Variants in EIF4E2 observed in about 807,000 individuals in gnomAD.
EIF4E2 encodes eukaryotic translation initiation factor 4E family member 2, also known as eukaryotic translation initiation factor 4E type 2.
Under a neutral mutation model 34.2 loss-of-function variants are expected in EIF4E2, and 13 were observed. The observed-to-expected ratio is 0.38, with a 90% CI of 0.25 to 0.60. The LOEUF is 0.60. Ranked by LOEUF, EIF4E2 falls within the 20% of genes least tolerant of loss-of-function variation. The pLI, the probability that EIF4E2 is intolerant of heterozygous loss-of-function variation, is 0.62. For missense variants in EIF4E2, 222 were observed against 315.1 expected (o/e 0.70, Z 2.24); for synonymous variants, 100 against 106.6 (o/e 0.94, Z 0.38).
downstream of EIF4E2, among the ~76,000 whole-genome samples, chr2:232,570,685 C>T (rs975843335): frequency 2.6e-5 from 4 of 152,208 alleles, no homozygotes; most frequent in Non-Finnish European, 5.9e-5. Flanking sequence ...TGGCTCACGC[C>T]TGTAATCCTA....
At chr2:232,582,161 C>T (rs536591091) in exon 7 of EIF4E2, 6 of 152,734 alleles carry the variant, frequency 3.9e-5, no homozygotes, top group African/African-American at 9.6e-5. Context: ...AAATAAATAG[C>T]GTCAGAGTCC....
Position 232,566,927 on chromosome 2 carries a change from A to G in EIF4E2, c.474A>G (p.Glu158=). The G allele has an allele frequency of 1.9e-6, 3 of 1,611,820 alleles. No individual in the cohort carries two copies. The highest frequency in any genetic ancestry group is 2.2e-5 in the South Asian group (2 of 90,630). ...ATCTCATTTTGGCCATGCTGGGGGA[A>G]CAGTTCATGGTTGGGGAGGAGATCT... The part of the protein sequence containing the change: ...WENLILAMLG[E]QFMVGEEICG... Residue 158 remains glutamate (E), a synonymous_variant, in exon 5 of 7, where the codon GAA becomes GAG. Coordinates refer to ENST00000258416, the MANE Select transcript of EIF4E2 (RefSeq NM_004846.4). The surrounding 1 kb of genome is among the most constrained non-coding windows in gnomAD (Gnocchi z 4.9).
rs200336459 is a variant in EIF4E2 at position 232,564,197 on chromosome 2, A to G, written c.271-50A>G. 19 of 1,327,744 alleles carry G rather than the reference A, an allele frequency of 1.4e-5. No individual in the cohort carries two copies. In the East Asian group the frequency reaches 3.8e-4, roughly 26 times the overall value. The allele number at this position is 1,327,744 out of a possible 1,614,324, so 82.2% of individuals were successfully genotyped here. A position where few individuals can be genotyped will look rare whatever the true frequency, so the allele number is the denominator to read the frequency against. Reference sequence around the variant, plus strand: ...AAATCTCAACCTTGGGATGCATTCAAAGAAAAGTAAAAGACACATGTTTTT... The same window carrying G: ...AAATCTCAACCTTGGGATGCATTCAGAGAAAAGTAAAAGACACATGTTTTT... On this transcript the variant is annotated intron_variant, in intron 3 of 6. Coordinates refer to ENST00000258416, the MANE Select transcript of EIF4E2 (RefSeq NM_004846.4).
At chr2:232,579,123 TAC>T (rs71056276) in intron 6 of EIF4E2, among the ~76,000 whole-genome samples, 3,910 of 146,562 alleles carry the variant, frequency 0.027, 74 homozygotes, top group Admixed American at 0.06. Context: ...AACTCAGAAA[TAC>T]ACACACACAC....
At position 232,579,758 on chromosome 2, in the gene EIF4E2, C is replaced by A. The variant is rs1399667714; in HGVS notation, c.666-1146C>A. On this transcript the variant is annotated intron_variant, in intron 6 of 6. Coordinates refer to the EIF4E2 transcript ENST00000409098. The stretch of plus-strand genomic sequence containing the variant: ...GGAGGGTCACTTGAGCTCAAGAGTT[C>A]AAGACCAACCTGGGCAACATAGTGA... Among the ~76,000 whole-genome samples, 3 of 152,224 alleles carry A rather than the reference C, an allele frequency of 2.0e-5. No homozygotes were observed. In the East Asian group the frequency reaches 5.8e-4, roughly 29 times the overall value.
intron 6 of EIF4E2, chr2:232,567,707 TAG>T (rs1236230422): frequency 3.0e-6 from 3 of 996,020 alleles, no homozygotes; most frequent in Non-Finnish European, 2.4e-6. Flanking sequence ...AGAAGGGGGA[TAG>T]TGTGTGTGTG....
chr2:232,556,686 G>T, intron 2 of EIF4E2, 156 bp downstream of exon 2: 1 of 613,882 alleles, frequency 1.6e-6, no homozygotes, highest in Admixed American at 2.9e-5. Flanking sequence ...AATCATTGAT[G>T]TTCATTTTCA....
chr2:232,554,545 C>G (rs575732842), intron 1 of EIF4E2, among the ~76,000 whole-genome samples: 1 of 152,186 alleles, frequency 6.6e-6, no homozygotes, highest in South Asian at 2.1e-4. Context: ...ATCTGTAGAT[C>G]TTGTGTGCTA....
At chr2:232,551,340 C>G (rs1038590827) in intron 1 of EIF4E2, 1 of 468,034 alleles carries the variant, frequency 2.1e-6, no homozygotes, top group African/African-American at 2.0e-5. Context: ...TCGCCAAGAC[C>G]TAAGTATACT....
At position 232,581,075 on chromosome 2, in the gene EIF4E2, A is replaced by G. The variant is rs1294310323; in HGVS notation, c.*132A>G. 5 of 907,660 alleles carry G rather than the reference A, an allele frequency of 5.5e-6. 2 individuals are homozygous for G. The Admixed American group carries it at 8.0e-5, about 14-fold the overall frequency. 56.2% of individuals were successfully genotyped at this position (907,660 alleles called of 1,614,324 possible). A position where few individuals can be genotyped will look rare whatever the true frequency, so the allele number is the denominator to read the frequency against. ...AGCCGTGCGCTCTCCTTTTGCACTC[A>G]TTCCTGGAGGACGGATTCCGCTAGA... On this transcript the variant is annotated 3_prime_UTR_variant, in exon 7 of 7. Transcript: ENST00000409098. The surrounding 1 kb of genome is among the most constrained non-coding windows in gnomAD (Gnocchi z 5.2).
chr2:232,581,169 TG>T lies in EIF4E2; in HGVS notation c.*227del. The T allele has an allele frequency of 1.5e-6, 1 of 668,748 alleles. No homozygotes were observed. The highest frequency in any genetic ancestry group is 1.5e-5 in the South Asian group (1 of 66,146). 41.4% of individuals were successfully genotyped at this position (668,748 alleles called of 1,614,324 possible). A position where few individuals can be genotyped will look rare whatever the true frequency, so the allele number is the denominator to read the frequency against. Reference sequence around the variant, plus strand: ...ACGTGACTTTGTAATAGACAAACATTGTTTTTTAATGGGGTTCCATGGGGGG... The same window carrying T: ...ACGTGACTTTGTAATAGACAAACATTTTTTTTAATGGGGTTCCATGGGGGG... On this transcript the variant is annotated 3_prime_UTR_variant, in exon 7 of 7. Coordinates refer to the EIF4E2 transcript ENST00000409098. This position sits in a 1 kb window ranked among gnomAD's most constrained non-coding sequence, Gnocchi z 5.2.
chr2:232,575,953 C>T (rs1347260417), intron 6 of EIF4E2, among the ~76,000 whole-genome samples: 1 of 152,030 alleles, frequency 6.6e-6, no homozygotes, highest in Non-Finnish European at 1.5e-5. Flanking sequence ...CGCCTGTAAT[C>T]CCAGCACTTT....
intron 3 of EIF4E2, among the ~76,000 whole-genome samples, chr2:232,561,109 C>G (rs1302084923): frequency 2.6e-5 from 4 of 152,102 alleles, no homozygotes; most frequent in African/African-American, 7.2e-5. Flanking sequence ...TTGGGGAATA[C>G]TGCCTTGGAA....
intron 2 of EIF4E2, among the ~76,000 whole-genome samples, chr2:232,557,250 A>G (rs556498336): frequency 5.5e-4 from 84 of 152,336 alleles, no homozygotes; most frequent in Admixed American, 9.8e-4. Context: ...TTTCAAAAAA[A>G]CAAACAAAGA....
At chr2:232,564,131 C>A in intron 3 of EIF4E2, 116 bp from the exon 4 acceptor site, 2 of 535,152 alleles carry the variant, frequency 3.7e-6, no homozygotes, top group Non-Finnish European at 3.2e-6. Context: ...CTGAAAAGGA[C>A]AGCCTGTAGT....
intron 3 of EIF4E2, among the ~76,000 whole-genome samples, chr2:232,560,876 A>G (rs1692700015): frequency 1.3e-5 from 2 of 152,242 alleles, no homozygotes; most frequent in Admixed American, 1.3e-4. Flanking sequence ...TTTTGTAATA[A>G]TAAACTACCT....
intron 3 of EIF4E2, among the ~76,000 whole-genome samples, chr2:232,559,496 ATAC>A (rs768642949): frequency 2.0e-5 from 3 of 152,222 alleles, no homozygotes; most frequent in Non-Finnish European, 4.4e-5. Context: ...CCAGTAGGAA[ATAC>A]TACAACAAAC....
chr2:232,569,711 C>G (rs1357859322), downstream of EIF4E2: 1 of 152,238 alleles, frequency 6.6e-6, no homozygotes, highest in African/African-American at 2.4e-5. Flanking sequence ...CAGCTCTTTT[C>G]CAGCCTTCTC....
Position 232,569,205 on chromosome 2 carries a change from A to T in EIF4E2, c.*188A>T. ...CTGAGATCACTTAATAAATGGTGCT[A>T]AACTAGCTTGTCTCATGCTCTTGCT... is the stretch of plus-strand genomic sequence containing the variant. On this transcript the variant is annotated 3_prime_UTR_variant, in exon 7 of 7. Transcript: ENST00000258416. 1 of 1,426,368 alleles carries T rather than the reference A, an allele frequency of 7.0e-7. No homozygotes were observed. The highest frequency in any genetic ancestry group is 9.2e-7 in the Non-Finnish European group (1 of 1,092,682). The allele number at this position is 1,426,368 out of a possible 1,614,324, so 88.4% of individuals were successfully genotyped here.
Sources: allele counts gnomAD v4.1 joint callset (sites outside exome capture counted in the v4.1 genomes callset), GRCh38; gene constraint gnomAD v4.1.1; non-coding constraint Gnocchi (gnomAD v3.1); transcripts MANE v1.5; gene names NCBI Gene and HGNC (gene_info 2026-07-23, HGNC 2026-07-21).